Variants in APBB2 observed in about 807,000 individuals in gnomAD.
The protein encoded by APBB2 is Fe65-like 1.
A neutral mutation model predicts 82.5 loss-of-function variants in APBB2; 38 were observed. That is an observed-to-expected ratio of 0.46 (90% confidence interval 0.36 to 0.60). The LOEUF is 0.60. Among genes scored for constraint, APBB2 ranks in the 20% least tolerant of loss-of-function variants. The pLI, the probability that APBB2 is intolerant of heterozygous loss-of-function variation, is 0.00. For missense variants in APBB2, 772 were observed against 972.3 expected (o/e 0.79, Z 2.74); for synonymous variants, 341 against 368.2 (o/e 0.93, Z 0.85).
intron 10 of APBB2, among the ~76,000 whole-genome samples, chr4:40,903,816 T>C (rs567502218): frequency 1.1e-3 from 171 of 152,284 alleles, no homozygotes; most frequent in African/African-American, 3.8e-3. Context: ...TATGCTGCAA[T>C]AGCTGCTCTA....
chr4:40,991,327 T>A (rs1387143573), intron 6 of APBB2, among the ~76,000 whole-genome samples: 5 of 151,830 alleles, frequency 3.3e-5, no homozygotes, highest in Admixed American at 3.3e-4. Flanking sequence ...GGGTTTTGAT[T>A]TTTAAATTTT....
chr4:40,836,745 CCTTGG>C (rs1322860208), intron 12 of APBB2, among the ~76,000 whole-genome samples: 1 of 152,186 alleles, frequency 6.6e-6, no homozygotes, highest in Non-Finnish European at 1.5e-5. Flanking sequence ...TCTGCAGTGA[CCTTGG>C]CCTCCTGGAC....
intron 12 of APBB2, among the ~76,000 whole-genome samples, chr4:40,833,223 A>G (rs2154304441): frequency 6.6e-6 from 1 of 152,320 alleles, no homozygotes; most frequent in South Asian, 2.1e-4. Context: ...CCTGAGGCCA[A>G]ATCTCCCCAA....
chr4:40,944,337 A>C (rs1478342764), intron 7 of APBB2, among the ~76,000 whole-genome samples: 1 of 152,216 alleles, frequency 6.6e-6, no homozygotes, highest in Non-Finnish European at 1.5e-5. Flanking sequence ...TATGCTGTTA[A>C]TCGTTTCTAA....
intron 12 of APBB2, among the ~76,000 whole-genome samples, chr4:40,843,070 C>A (rs1055361433): frequency 6.6e-6 from 1 of 152,184 alleles, no homozygotes; most frequent in Non-Finnish European, 1.5e-5. Context: ...CTGCCTGGGA[C>A]CCTAATGAAG....
At chr4:40,999,004 T>A (rs1020712526) in intron 6 of APBB2, among the ~76,000 whole-genome samples, 5 of 152,096 alleles carry the variant, frequency 3.3e-5, no homozygotes, top group African/African-American at 4.8e-5. Context: ...GAATTTTCCA[T>A]GGAATTTTTT....
chr4:41,051,583 T>G (rs2154460007), intron 4 of APBB2, among the ~76,000 whole-genome samples: 1 of 152,338 alleles, frequency 6.6e-6, no homozygotes, highest in Admixed American at 6.5e-5. Context: ...AACCTGGCAC[T>G]AATCCATCCT....
chr4:40,921,929 T>C (rs1192755638), intron 10 of APBB2, among the ~76,000 whole-genome samples: 5 of 152,188 alleles, frequency 3.3e-5, no homozygotes, highest in Admixed American at 1.3e-4. Flanking sequence ...TGCCCCTTCC[T>C]GAGCAGCGTG....
chr4:40,923,142 A>T (rs923251739), intron 10 of APBB2, among the ~76,000 whole-genome samples: 1 of 151,146 alleles, frequency 6.6e-6, no homozygotes, highest in Admixed American at 6.6e-5. Context: ...CGCCCGGCTA[A>T]TTTTTTGTAT....
intron 1 of APBB2, among the ~76,000 whole-genome samples, chr4:41,189,437 T>C (rs951348091): frequency 5.3e-5 from 8 of 152,108 alleles, no homozygotes; most frequent in African/African-American, 1.9e-4. Flanking sequence ...GTTGCATATA[T>C]ATGGAAAAAT....
chr4:40,908,480 G>T (rs997938025), intron 10 of APBB2, among the ~76,000 whole-genome samples: 1 of 152,092 alleles, frequency 6.6e-6, no homozygotes, highest in Non-Finnish European at 1.5e-5. Context: ...CTTTCCTGAC[G>T]GAGAGAGGGA....
At chr4:41,084,763 CA>C (rs1739016100) in intron 3 of APBB2, 1 of 151,888 alleles carries the variant, frequency 6.6e-6, no homozygotes, top group East Asian at 1.9e-4. Context: ...TCCTTGAATA[CA>C]TACAACTTTT....
At chr4:40,946,385 T>C (rs558488481) in intron 6 of APBB2, among the ~76,000 whole-genome samples, 2 of 151,566 alleles carry the variant, frequency 1.3e-5, no homozygotes, top group African/African-American at 4.8e-5. Flanking sequence ...GACTGGAAAA[T>C]GGGCAAGCAC....
At chr4:40,861,653 A>T (rs1762789067) in intron 12 of APBB2, among the ~76,000 whole-genome samples, 1 of 152,214 alleles carries the variant, frequency 6.6e-6, no homozygotes, top group Admixed American at 6.5e-5. Context: ...AGGTACACAA[A>T]CGGTGTTTAT....
intron 12 of APBB2, among the ~76,000 whole-genome samples, chr4:40,844,343 CA>C (rs747498676): frequency 6.6e-6 from 1 of 152,190 alleles, no homozygotes; most frequent in Non-Finnish European, 1.5e-5. Flanking sequence ...TCATAATGCT[CA>C]GGGGCATTAT....
intron 12 of APBB2, among the ~76,000 whole-genome samples, chr4:40,838,544 C>A (rs921707289): frequency 6.6e-6 from 1 of 152,088 alleles, no homozygotes; most frequent in Admixed American, 6.5e-5. Context: ...ACCAAGTTAG[C>A]CAGTATGGTC....
chr4:41,007,331 G>A (rs1167040541), intron 6 of APBB2, among the ~76,000 whole-genome samples: 2 of 151,726 alleles, frequency 1.3e-5, no homozygotes, highest in African/African-American at 2.4e-5. Flanking sequence ...CTGGTGTTAT[G>A]CTCTTGGACT....
At chr4:41,033,574 CTT>C (rs1372617349) in intron 4 of APBB2, among the ~76,000 whole-genome samples, 1 of 125,350 alleles carries the variant, frequency 8.0e-6, no homozygotes, top group Non-Finnish European at 1.7e-5. Flanking sequence ...GTTTCCAATG[CTT>C]TTTCTCATCA....
chr4:40,952,654 T>C (rs1281154711), intron 6 of APBB2, among the ~76,000 whole-genome samples: 2 of 152,130 alleles, frequency 1.3e-5, no homozygotes. Flanking sequence ...TGGAAAAAAG[T>C]TCCCCATCCA....
Sources: allele counts gnomAD v4.1 joint callset (sites outside exome capture counted in the v4.1 genomes callset), GRCh38; gene constraint gnomAD v4.1.1; transcripts MANE v1.5; gene names NCBI Gene and HGNC (gene_info 2026-07-23, HGNC 2026-07-21).